SLC1A5: variants seen among roughly 807,000 people sequenced by gnomAD.
SLC1A5 encodes solute carrier family 1 member 5.
SLC1A5 carries 25 observed loss-of-function variants against 34.9 expected under a neutral mutation model. That is an observed-to-expected ratio of 0.72 (90% confidence interval 0.52 to 1.00). The LOEUF (loss-of-function observed/expected upper bound fraction) is 1.00, where lower values mean the gene tolerates loss of function less well. Among genes scored for constraint, SLC1A5 ranks in the 50% least tolerant of loss-of-function variants. SLC1A5 has a pLI of 0.00. For missense variants in SLC1A5, 637 were observed against 740.0 expected (o/e 0.86, Z 1.61); for synonymous variants, 351 against 341.2 (o/e 1.03, Z -0.32).
At chr19:46,778,415 G>A (rs373864463) in intron 5 of SLC1A5, among the ~76,000 whole-genome samples, 3 of 152,082 alleles carry the variant, frequency 2.0e-5, no homozygotes, top group Non-Finnish European at 2.9e-5. Flanking sequence ...GCAACAGAGC[G>A]AGACGCCATT....
Position 46,784,549 on chromosome 19 carries a change from G to GAT in SLC1A5, c.576_577insAT (p.Pro193IlefsTer27). ...AAGGCTGCTGACACCAGGTTGGAAG[G>GAT]GAAGATATTTCTGCAGAGACAGACA... On this transcript the variant is annotated frameshift_variant, in exon 2 of 8. Transcript: ENST00000542575. LOFTEE classifies it high-confidence loss of function. The GAT allele has an allele frequency of 6.2e-7, 1 of 1,614,092 alleles. No individual in the cohort carries two copies.
At chr19:46,782,360 C>CCCCCCCAA in intron 4 of SLC1A5, 23 bp downstream of exon 4, 8 of 1,332,698 alleles carry the variant, frequency 6.0e-6, no homozygotes, top group Non-Finnish European at 7.4e-6. Flanking sequence ...CACCCACCCC[C>CCCCCCCAA]AGCCTCCTCT....
At position 46,787,418 on chromosome 19, in the gene SLC1A5, G is replaced by C. The variant is rs1410167309; in HGVS notation, c.548C>G (p.Ser183Trp). ...ENAPSKEVLD[S>W]FLDLARNIFP... ...AGCTGACCTCGCAAGATCCAGGAAC[G>C]AATCGAGCACCTCCTTGCTGGGGGC... is the stretch of plus-strand genomic sequence containing the variant. The change falls in exon 1 of 8, where the codon TCG becomes TGG. Residue 183 changes from serine to tryptophan, a missense_variant. Transcript: ENST00000542575. This position sits in a 1 kb window ranked among gnomAD's most constrained non-coding sequence, Gnocchi z 5.2. The C allele has an allele frequency of 4.4e-6, 7 of 1,600,358 alleles. No homozygotes were observed. Among genetic ancestry groups the C allele is most frequent in the Non-Finnish European group, 6.0e-6 (7 of 1,174,490 alleles).
At chr19:46,777,487 C>T in intron 5 of SLC1A5, 82 bp from the exon 6 acceptor site, 1 of 1,336,928 alleles carries the variant, frequency 7.5e-7, no homozygotes, top group Non-Finnish European at 1.0e-6. Flanking sequence ...CAGGTGAGGC[C>T]TCGCCTACCC....
intron 5 of SLC1A5, among the ~76,000 whole-genome samples, chr19:46,778,321 C>T (rs770648760): frequency 1.3e-5 from 2 of 152,068 alleles, no homozygotes; most frequent in Admixed American, 6.6e-5. Flanking sequence ...CCCAGCTACT[C>T]GGGAGGCTGA....
intron 4 of SLC1A5, among the ~76,000 whole-genome samples, chr19:46,782,085 G>A (rs928916479): frequency 1.3e-5 from 2 of 152,026 alleles, no homozygotes; most frequent in African/African-American, 4.8e-5. Context: ...TAGTAGAGAT[G>A]GGGTTTCACC....
chr19:46,775,208 A>AG lies in SLC1A5; in HGVS notation c.*301dup, dbSNP rs981704800. 9.1e-6 allele frequency: 10 copies of AG among 1,101,598 alleles called. No homozygotes were observed. In the East Asian group the frequency reaches 4.6e-4, roughly 51 times the overall value. The allele number at this position is 1,101,598 out of a possible 1,614,324, so 68.2% of individuals were successfully genotyped here. On this transcript the variant is annotated 3_prime_UTR_variant, in exon 8 of 8. Transcript: ENST00000542575. ...TGACCTGTGACCTGCTCCCTGAGAC[A>AG]GGGGAGGCCAGGCAGGTCACGGTGG...
At chr19:46,782,653 G>T in intron 3 of SLC1A5, 104 bp from the exon 4 acceptor site, 1 of 1,348,342 alleles carries the variant, frequency 7.4e-7, no homozygotes, top group Non-Finnish European at 1.0e-6. Context: ...AGACAAGGCA[G>T]CCCTCAGACC....
At chr19:46,776,086 G>A (rs1162994884) in intron 7 of SLC1A5, among the ~76,000 whole-genome samples, 3 of 150,822 alleles carry the variant, frequency 2.0e-5, no homozygotes, top group African/African-American at 4.9e-5. Flanking sequence ...ACTGTGTCTC[G>A]AAAAAAAATT....
In SLC1A5 at chr19:46,787,456, G is replaced by T; in HGVS notation, c.510C>A (p.Gly170=). Residue 170 remains glycine (G), a synonymous_variant, in exon 1 of 8, where the codon GGC becomes GGA. Coordinates refer to ENST00000542575, the MANE Select transcript of SLC1A5 (RefSeq NM_005628.3). This position sits in a 1 kb window ranked among gnomAD's most constrained non-coding sequence, Gnocchi z 5.2. ...AAINASVGAA[G]SAENAPSKEV... is the part of the protein sequence containing the mutation. ...CCTTGCTGGGGGCATTTTCGGCACT[G>T]CCCGCGGCTCCCACGGAGGCGTTGA... 1.3e-6 allele frequency: 2 copies of T among 1,599,708 alleles called. No individual in the cohort carries two copies. The highest frequency in any genetic ancestry group is 2.3e-5 in the South Asian group (2 of 88,678).
chr19:46,782,477 C>A lies in SLC1A5; in HGVS notation c.730G>T (p.Ala244Ser). The change falls in exon 4 of 8, where the codon GCG (alanine) becomes TCG (serine). Residue 244 changes from alanine (A) to serine (S), a missense_variant. Coordinates refer to ENST00000542575, the MANE Select transcript of SLC1A5 (RefSeq NM_005628.3). ...CCTTCAGGCCCCAGCTTCCGCAGCG[C>A]CACACCAAAGACGATGGCAAACACT... ...LVVFAIVFGV[A>S]LRKLGPEGEL... 6.2e-7 allele frequency: 1 copy of A among 1,614,042 alleles called. No homozygotes were observed. The highest frequency in any genetic ancestry group is 8.5e-7 in the Non-Finnish European group (1 of 1,180,012).
In SLC1A5 at chr19:46,777,285, G is replaced by A. The variant is rs780920584; in HGVS notation, c.1179C>T (p.Phe393=). ...ATVNMDGAAL[F]QCVAAVFIAQ... ...CAATGAACACTGCGGCCACGCACTG[G>A]AAGAGCGCGGCACCGTCCATGTTGA... The change falls in exon 6 of 8, where the codon TTC becomes TTT. Residue 393 remains phenylalanine, a synonymous_variant. Coordinates refer to ENST00000542575, the MANE Select transcript of SLC1A5 (RefSeq NM_005628.3). The A allele has an allele frequency of 6.2e-6, 10 of 1,613,570 alleles. No homozygotes were observed. Among genetic ancestry groups the A allele is most frequent in the Non-Finnish European group, 8.5e-6 (10 of 1,179,956 alleles).
At chr19:46,786,549 G>A (rs565197902) in intron 1 of SLC1A5, among the ~76,000 whole-genome samples, 2 of 152,304 alleles carry the variant, frequency 1.3e-5, no homozygotes, top group Non-Finnish European at 2.9e-5. Context: ...CCCAGAGGCT[G>A]GAGAACCCTG....
rs2055078374 is a variant in SLC1A5 at position 46,775,483 on chromosome 19, C to A, written c.*27G>T. The A allele has an allele frequency of 1.3e-6, 2 of 1,579,690 alleles. No individual in the cohort carries two copies. Among genetic ancestry groups the A allele is most frequent in the African/African-American group, 1.3e-5 (1 of 74,154 alleles). On this transcript the variant is annotated 3_prime_UTR_variant, in exon 8 of 8. Coordinates refer to ENST00000542575, the MANE Select transcript of SLC1A5 (RefSeq NM_005628.3). ...TCCAGTGTCCAAAGAGCACCCCCAG[C>A]AGGGCAGGGAAGGTCCCTCCCGGGG...
rs147658870 is a variant in SLC1A5 at position 46,786,206 on chromosome 19, G to A, written c.566+1194C>T. ...TGCTACAGGGGTCTTAGTACACAGT[G>A]AGCGTGTGTATGACCGCTGGTATCT... On this transcript the variant is annotated intron_variant, in intron 1 of 7. Transcript: ENST00000542575. Among the ~76,000 whole-genome samples, 391 of 152,338 alleles carry A rather than the reference G, an allele frequency of 2.6e-3. 4 individuals carry two copies. Among genetic ancestry groups the A allele is most frequent in the African/African-American group, 8.8e-3 (367 of 41,578 alleles).
rs940621534 is a variant in SLC1A5, at chr19:46,775,005, G to A, written c.*505C>T. 2.0e-6 allele frequency: 2 copies of A among 986,464 alleles called. No homozygotes were observed. Among genetic ancestry groups the A allele is most frequent in the African/African-American group, 1.8e-5 (1 of 57,134 alleles). The allele number at this position is 986,464 out of a possible 1,614,324, so 61.1% of individuals were successfully genotyped here. ...TTTCTGTTATTGTGGAGGGAATAGG[G>A]GATCTGGGGACAGGGTGGGACGTAC... On this transcript the variant is annotated 3_prime_UTR_variant, in exon 8 of 8. Coordinates refer to ENST00000542575, the MANE Select transcript of SLC1A5 (RefSeq NM_005628.3).
intron 3 of SLC1A5, among the ~76,000 whole-genome samples, chr19:46,783,552 G>T (rs2055164199): frequency 6.6e-6 from 1 of 151,910 alleles, no homozygotes; most frequent in African/African-American, 2.4e-5. Context: ...CCAGCACTTT[G>T]CGAGGCGGCC....
chr19:46,781,845 T>C (rs564735857), intron 4 of SLC1A5, among the ~76,000 whole-genome samples: 1 of 152,170 alleles, frequency 6.6e-6, no homozygotes, highest in African/African-American at 2.4e-5. Context: ...TAGGATTTAC[T>C]GTAGGCACGC....
intron 1 of SLC1A5, 51 bp from the exon 2 acceptor site, chr19:46,784,610 G>A (rs1310531744): frequency 6.2e-7 from 1 of 1,613,928 alleles, no homozygotes; most frequent in South Asian, 1.1e-5. Context: ...TGGGAGGGCA[G>A]CATTGTCTGA....
Sources: gnomAD v4.1 joint callset for allele counts (sites outside exome capture counted in the v4.1 genomes callset) on GRCh38, gnomAD v4.1.1 for gene constraint, Gnocchi (gnomAD v3.1) non-coding constraint, MANE v1.5 for transcripts, NCBI Gene and HGNC (gene_info 2026-07-23, HGNC 2026-07-21) for gene names.